The following CRPPA variants were observed in gnomAD, a reference collection of about 807,000 sequenced individuals.
CRPPA encodes D-ribitol-5-phosphate cytidylyltransferase.
Under a neutral mutation model 52.0 loss-of-function variants are expected in CRPPA, and 43 were observed. That is an observed-to-expected ratio of 0.83 (90% CI 0.65 to 1.07). The LOEUF (loss-of-function observed/expected upper bound fraction) is 1.07, where lower values mean the gene tolerates loss of function less well. CRPPA is among the 50% of genes least tolerant of loss of function. The pLI, the probability that CRPPA is intolerant of heterozygous loss-of-function variation, is 0.00. For synonymous variants in CRPPA, 250 were observed against 203.5 expected (o/e 1.23, Z -1.94); for missense variants, 629 against 551.7 (o/e 1.14, Z -1.40).
At chr7:16,405,232 T>G (rs2389635) in intron 2 of CRPPA, among the ~76,000 whole-genome samples, 72,270 of 151,906 alleles carry the variant, frequency 0.48, 18,148 homozygotes, top group African/African-American at 0.63. Flanking sequence ...TAAGCACTTA[T>G]TATTAATACC....
intron 9 of CRPPA, among the ~76,000 whole-genome samples, chr7:16,100,655 C>A (rs1258128713): frequency 6.6e-6 from 1 of 152,154 alleles, no homozygotes; most frequent in South Asian, 2.1e-4. Context: ...CCTTCCCTTG[C>A]CTGATTGCCC....
intron 9 of CRPPA, among the ~76,000 whole-genome samples, chr7:16,202,120 T>G (rs1225869748): frequency 6.6e-6 from 1 of 152,198 alleles, no homozygotes; most frequent in African/African-American, 2.4e-5. Context: ...AGCTTTTAAT[T>G]TGAATATATG....
Position 16,259,555 on chromosome 7 carries a change from G to A in CRPPA, c.934-543C>T, listed in dbSNP as rs139999759. 3.2e-4 allele frequency among the ~76,000 whole-genome samples: 49 copies of A among 152,052 alleles called. 1 individual carries two copies. The East Asian group carries it at 9.3e-3, about 29-fold the overall frequency. ...TTACTTCTACTACTATAAGTAGTCC[G>A]AGATTAGATTAGATTTAGAGAAGAA... On this transcript the variant is annotated intron_variant, in intron 6 of 9. Transcript: ENST00000407010.
At position 16,216,329 on chromosome 7, in the gene CRPPA, C is replaced by A. The variant is rs147175902; in HGVS notation, c.1120-132G>T. 5.9e-3 allele frequency: 3,382 copies of A among 571,200 alleles called. 27 individuals are homozygous for A. Among genetic ancestry groups the A allele is most frequent in the Non-Finnish European group, 5.7e-3 (1,909 of 333,240 alleles). The allele number at this position is 571,200 out of a possible 1,614,324, so 35.4% of individuals were successfully genotyped here. A position where few individuals can be genotyped will look rare whatever the true frequency, so the allele number is the denominator to read the frequency against. On this transcript the variant is annotated intron_variant, in intron 8 of 9. Transcript: ENST00000407010. Reference sequence around the variant, plus strand: ...AATCTTTATTAACTTTTGTTAATCTCTAGTTATGCTTCAAGCCATACTTAA... The same window carrying A: ...AATCTTTATTAACTTTTGTTAATCTATAGTTATGCTTCAAGCCATACTTAA...
intron 9 of CRPPA, among the ~76,000 whole-genome samples, chr7:16,191,177 T>A (rs1781601669): frequency 6.6e-6 from 1 of 152,102 alleles, no homozygotes; most frequent in Non-Finnish European, 1.5e-5. Context: ...CTGGATTTAA[T>A]GGCAGATCTA....
At chr7:16,139,602 C>G (rs1352872346) in intron 9 of CRPPA, among the ~76,000 whole-genome samples, 1 of 152,060 alleles carries the variant, frequency 6.6e-6, no homozygotes, top group African/African-American at 2.4e-5. Flanking sequence ...TTTGCACTAA[C>G]CTAATAATTT....
At position 16,387,044 on chromosome 7, in the gene CRPPA, GATATATATATATATAT is replaced by G. The variant is rs57024916; in HGVS notation, c.535-10819_535-10804del. 1.2e-3 allele frequency among the ~76,000 whole-genome samples: 116 copies of G among 96,020 alleles called. 1 individual carries two copies. The highest frequency in any genetic ancestry group is 2.5e-3 in the African/African-American group (52 of 20,684). 63.0% of individuals were successfully genotyped at this position (96,020 alleles called of 152,430 possible). ...TATTTTTAATTTAAAATAAAAAAAA[GATATATATATATATAT>G]ATATATATATATATATATATATATA... On this transcript the variant is annotated intron_variant, in intron 2 of 9. Transcript: ENST00000407010.
chr7:16,294,055 TCTAC>T (rs1354856085), intron 5 of CRPPA, among the ~76,000 whole-genome samples: 1 of 152,026 alleles, frequency 6.6e-6, no homozygotes, highest in Non-Finnish European at 1.5e-5. Context: ...CCTGGTGTTC[TCTAC>T]TCATCAGAGC....
At chr7:16,331,403 T>G (rs1026604950) in intron 3 of CRPPA, among the ~76,000 whole-genome samples, 1 of 152,160 alleles carries the variant, frequency 6.6e-6, no homozygotes, top group Non-Finnish European at 1.5e-5. Flanking sequence ...ACTAAGGGTA[T>G]ATTTACTGCA....
intron 2 of CRPPA, among the ~76,000 whole-genome samples, chr7:16,397,151 C>A (rs1013314703): frequency 1.3e-5 from 2 of 152,258 alleles, no homozygotes; most frequent in Non-Finnish European, 2.9e-5. Flanking sequence ...GTGTCTGACA[C>A]ATTAGCAAAA....
chr7:16,175,804 G>T (rs1781284502), intron 9 of CRPPA, among the ~76,000 whole-genome samples: 1 of 152,072 alleles, frequency 6.6e-6, no homozygotes, highest in Non-Finnish European at 1.5e-5. Flanking sequence ...AATTGTGCTT[G>T]AAAAAGATTA....
intron 5 of CRPPA, among the ~76,000 whole-genome samples, chr7:16,284,685 G>T (rs1784387654): frequency 6.6e-6 from 1 of 152,016 alleles, no homozygotes; most frequent in Non-Finnish European, 1.5e-5. Context: ...TCTCTGATTT[G>T]CTTTAAAACA....
chr7:16,347,179 A>C (rs2128307159), intron 3 of CRPPA, among the ~76,000 whole-genome samples: 1 of 152,232 alleles, frequency 6.6e-6, no homozygotes, highest in South Asian at 2.1e-4. Context: ...AAGGAAACTA[A>C]GATTGACACC....
chr7:16,154,430 G>T (rs1006134634), intron 9 of CRPPA, among the ~76,000 whole-genome samples: 1 of 151,894 alleles, frequency 6.6e-6, no homozygotes, highest in Non-Finnish European at 1.5e-5. Context: ...CACTTATGAG[G>T]AACACTGGGT....
chr7:16,409,366 A>G (rs1444012417), intron 1 of CRPPA, among the ~76,000 whole-genome samples: 5 of 152,166 alleles, frequency 3.3e-5, no homozygotes, highest in African/African-American at 9.7e-5. Flanking sequence ...GTTTGTGGTA[A>G]TTTTTATAGC....
intron 8 of CRPPA, among the ~76,000 whole-genome samples, chr7:16,222,099 T>C (rs1279343016): frequency 2.0e-5 from 3 of 151,370 alleles, no homozygotes; most frequent in African/African-American, 7.3e-5. Flanking sequence ...ATATACACCA[T>C]GGAATACTAT....
At chr7:16,127,531 A>C (rs1782603284) in intron 9 of CRPPA, among the ~76,000 whole-genome samples, 1 of 152,142 alleles carries the variant, frequency 6.6e-6, no homozygotes, top group African/African-American at 2.4e-5. Context: ...AGAATAACCT[A>C]TTATAAACTT....
chr7:16,124,985 T>C (rs1782548245), intron 9 of CRPPA, among the ~76,000 whole-genome samples: 1 of 151,848 alleles, frequency 6.6e-6, no homozygotes, highest in South Asian at 2.1e-4. Context: ...ATAGGCCAGG[T>C]GCAGTGGCTC....
Position 16,216,920 on chromosome 7 carries a change from C to T in CRPPA, c.1120-723G>A, listed in dbSNP as rs1410025729. ...GGTAAACAAAGCAGCCGGGAAGCTC[C>T]AACTGGGTGGAGCCCACCACAGCTC... is the stretch of plus-strand genomic sequence containing the variant. On this transcript the variant is annotated intron_variant, in intron 8 of 9. Coordinates refer to ENST00000407010, the MANE Select transcript of CRPPA (RefSeq NM_001101426.4). 2.0e-5 allele frequency among the ~76,000 whole-genome samples: 3 copies of T among 151,842 alleles called. No individual in the cohort carries two copies. In the East Asian group the frequency reaches 5.9e-4, roughly 30 times the overall value.
Sources: gnomAD v4.1 joint callset for allele counts (sites outside exome capture counted in the v4.1 genomes callset) on GRCh38, gnomAD v4.1.1 for gene constraint, MANE v1.5 for transcripts, NCBI Gene and HGNC (gene_info 2026-07-23, HGNC 2026-07-21) for gene names.